PCCA: variants seen among roughly 807,000 people sequenced by gnomAD.
PCCA encodes propionyl-CoA carboxylase subunit alpha.
A neutral mutation model predicts 101.3 loss-of-function variants in PCCA; 74 were observed. That is an observed-to-expected ratio of 0.73 (90% CI 0.61 to 0.89). PCCA has a LOEUF of 0.89. Ranked by LOEUF, PCCA falls within the 40% of genes least tolerant of loss-of-function variation. The pLI, the probability that PCCA is intolerant of heterozygous loss-of-function variation, is 0.00. For synonymous variants in PCCA, 294 were observed against 313.6 expected, an observed-to-expected ratio of 0.94 and a Z score of 0.66; for missense variants, 891 against 907.0, an observed-to-expected ratio of 0.98 and a Z score of 0.23.
intron 21 of PCCA, among the ~76,000 whole-genome samples, chr13:100,465,292 CATG>C (rs1185042267): frequency 6.6e-6 from 1 of 152,180 alleles, no homozygotes; most frequent in Non-Finnish European, 1.5e-5. Flanking sequence ...CCAAAAGACA[CATG>C]ATATTCCTGG....
At chr13:100,222,761 A>G (rs1011077722) in intron 7 of PCCA, among the ~76,000 whole-genome samples, 1 of 152,180 alleles carries the variant, frequency 6.6e-6, no homozygotes, top group African/African-American at 2.4e-5. Flanking sequence ...CTTGATAACT[A>G]TATTCTATTT....
chr13:100,519,731 A>C (rs1394827627), intron 22 of PCCA, among the ~76,000 whole-genome samples: 3 of 152,234 alleles, frequency 2.0e-5, no homozygotes, highest in Non-Finnish European at 2.9e-5. Context: ...TTGGTGAGAT[A>C]CCTTTATTTT....
chr13:100,170,951 C>G (rs1015340896), intron 6 of PCCA, among the ~76,000 whole-genome samples: 1 of 152,176 alleles, frequency 6.6e-6, no homozygotes, highest in Non-Finnish European at 1.5e-5. Flanking sequence ...TACCTGGGGA[C>G]TCTTGAGACC....
chr13:100,522,930 G>A (rs1462827342), intron 22 of PCCA, among the ~76,000 whole-genome samples: 1 of 152,218 alleles, frequency 6.6e-6, no homozygotes, highest in African/African-American at 2.4e-5. Context: ...ACATTAGTGA[G>A]CTACACCACC....
intron 8 of PCCA, among the ~76,000 whole-genome samples, chr13:100,249,234 A>G (rs1476863501): frequency 6.6e-6 from 1 of 152,204 alleles, no homozygotes; most frequent in Non-Finnish European, 1.5e-5. Flanking sequence ...TCTGCAATGT[A>G]TATTTAGGTC....
chr13:100,170,514 C>T (rs1241236138), intron 6 of PCCA, among the ~76,000 whole-genome samples: 1 of 152,214 alleles, frequency 6.6e-6, no homozygotes, highest in Non-Finnish European at 1.5e-5. Context: ...CATTTTGACT[C>T]ATAATATGTG....
rs540870700 is a variant in PCCA at position 100,329,496 on chromosome 13, A to G, written c.1430-1065A>G. On this transcript the variant is annotated intron_variant, in intron 16 of 23. Coordinates refer to ENST00000376285, the MANE Select transcript of PCCA (RefSeq NM_000282.4). ...TCGAAGCTGATCCTTTTAAAGCTAC[A>G]TGAGAAGTTGCTGAAGAACTCAGCG... Among the ~76,000 whole-genome samples the G allele has an allele frequency of 6.3e-4, 96 of 152,302 alleles. 1 individual carries two copies. Among genetic ancestry groups the G allele is most frequent in the African/African-American group, 2.1e-3 (88 of 41,576 alleles).
intron 1 of PCCA, among the ~76,000 whole-genome samples, chr13:100,100,695 C>G (rs2152242229): frequency 6.6e-6 from 1 of 152,200 alleles, no homozygotes; most frequent in Non-Finnish European, 1.5e-5. Context: ...TTATGGGGCT[C>G]ATTCCAAACC....
At chr13:100,395,878 A>G (rs765427149) in intron 19 of PCCA, among the ~76,000 whole-genome samples, 2 of 152,220 alleles carry the variant, frequency 1.3e-5, no homozygotes, top group East Asian at 1.9e-4. Flanking sequence ...AATCACAGCA[A>G]TCACGTTTTT....
At chr13:100,295,171 C>T (rs73573281) in intron 12 of PCCA, among the ~76,000 whole-genome samples, 1,684 of 152,244 alleles carry the variant, frequency 0.011, 35 homozygotes, top group African/African-American at 0.038. Context: ...TAGGTACATG[C>T]TAGATTCTGT....
chr13:100,134,645 C>T (rs2050930041), intron 4 of PCCA, among the ~76,000 whole-genome samples: 1 of 152,208 alleles, frequency 6.6e-6, no homozygotes, highest in Admixed American at 6.5e-5. Context: ...TAGGCTTGAC[C>T]ACCTGGGCTC....
At chr13:100,197,603 C>T (rs977295186) in intron 6 of PCCA, among the ~76,000 whole-genome samples, 10 of 152,026 alleles carry the variant, frequency 6.6e-5, no homozygotes, top group Non-Finnish European at 1.2e-4. Flanking sequence ...GCCACCATGC[C>T]CAGCTAATTT....
intron 21 of PCCA, among the ~76,000 whole-genome samples, chr13:100,487,118 GA>G (rs1044166438): frequency 7.2e-5 from 11 of 152,300 alleles, no homozygotes; most frequent in African/African-American, 2.6e-4. Flanking sequence ...TAGCTGAAAT[GA>G]AAAATATTGA....
chr13:100,433,867 A>T (rs1397768271), intron 20 of PCCA, among the ~76,000 whole-genome samples: 1 of 152,228 alleles, frequency 6.6e-6, no homozygotes, highest in Non-Finnish European at 1.5e-5. Flanking sequence ...AGTATAACTG[A>T]TTTATTTAAT....
chr13:100,411,289 G>A (rs866415147), intron 19 of PCCA, among the ~76,000 whole-genome samples: 4 of 149,820 alleles, frequency 2.7e-5, no homozygotes, highest in African/African-American at 7.4e-5. Flanking sequence ...GCAGTGGCAC[G>A]ATCTTGACTC....
At chr13:100,355,612 T>C (rs1595549808) in intron 18 of PCCA, among the ~76,000 whole-genome samples, 1 of 152,120 alleles carries the variant, frequency 6.6e-6, no homozygotes, top group East Asian at 1.9e-4. Flanking sequence ...AAACAAGAAA[T>C]GCAATACTTG....
At chr13:100,361,922 G>C (rs913805122) in intron 18 of PCCA, among the ~76,000 whole-genome samples, 6 of 151,986 alleles carry the variant, frequency 3.9e-5, no homozygotes, top group Admixed American at 1.3e-4. Flanking sequence ...CCTCTTTAAG[G>C]GGGGAAAAAG....
At chr13:100,117,456 A>G (rs1267419721) in intron 4 of PCCA, among the ~76,000 whole-genome samples, 1 of 150,610 alleles carries the variant, frequency 6.6e-6, no homozygotes, top group Non-Finnish European at 1.5e-5. Context: ...TGGCTAAACA[A>G]TTTGAAAATA....
chr13:100,470,391 C>T (rs1468145716), intron 21 of PCCA, among the ~76,000 whole-genome samples: 1 of 152,062 alleles, frequency 6.6e-6, no homozygotes, highest in East Asian at 1.9e-4. Context: ...CACAGTCATT[C>T]CCAAGGAAAA....
Sources: gnomAD v4.1 joint callset for allele counts (sites outside exome capture counted in the v4.1 genomes callset) on GRCh38, gnomAD v4.1.1 for gene constraint, MANE v1.5 for transcripts, NCBI Gene and HGNC (gene_info 2026-07-23, HGNC 2026-07-21) for gene names.